The following CADPS variants were observed in gnomAD, a reference collection of about 807,000 sequenced individuals.
The protein encoded by CADPS is calcium dependent secretion activator, also known as calcium-dependent secretion activator 1.
In CADPS, 57 loss-of-function variants were observed where a neutral mutation model predicts 167.3. That is an observed-to-expected ratio of 0.34 (90% confidence interval 0.28 to 0.42). The LOEUF (loss-of-function observed/expected upper bound fraction) is 0.42, where lower values mean the gene tolerates loss of function less well. CADPS is among the 20% of genes least tolerant of loss of function. The pLI is 1.00. For synonymous variants in CADPS, 676 were observed against 635.3 expected (o/e 1.06, Z -0.96); for missense variants, 1,414 against 1,738.1 (o/e 0.81, Z 3.32).
intron 7 of CADPS, among the ~76,000 whole-genome samples, chr3:62,587,482 C>T (rs1481193688): frequency 3.9e-5 from 6 of 152,134 alleles, no homozygotes; most frequent in Non-Finnish European, 8.8e-5. Flanking sequence ...CTGGTCTGGC[C>T]TGAGAGAGGT....
intron 28 of CADPS, among the ~76,000 whole-genome samples, chr3:62,406,336 C>G (rs533152403): frequency 6.6e-6 from 1 of 152,148 alleles, no homozygotes; most frequent in Non-Finnish European, 1.5e-5. Flanking sequence ...CTCTTCCTCA[C>G]GGGGCTCACA....
At chr3:62,454,347 C>G (rs1224176546) in intron 26 of CADPS, among the ~76,000 whole-genome samples, 1 of 152,170 alleles carries the variant, frequency 6.6e-6, no homozygotes, top group Non-Finnish European at 1.5e-5. Context: ...ACCTAATTTA[C>G]AGTATCTTAT....
rs140713392 is a variant in CADPS, at chr3:62,609,415, C to T, written c.1326-16667G>A. Among the ~76,000 whole-genome samples, 66 of 152,274 alleles carry T rather than the reference C, an allele frequency of 4.3e-4. 2 individuals are homozygous for T. The East Asian group carries it at 9.3e-3, about 21-fold the overall frequency. Reference sequence around the variant, plus strand: ...GCTCTGTTTTACCTTTTAAGGTTTCCACCACATTGAGTGAGGCTCAGGACT... The same window carrying T: ...GCTCTGTTTTACCTTTTAAGGTTTCTACCACATTGAGTGAGGCTCAGGACT... On this transcript the variant is annotated intron_variant, in intron 6 of 29. Coordinates refer to ENST00000383710, the MANE Select transcript of CADPS (RefSeq NM_003716.4).
intron 1 of CADPS, among the ~76,000 whole-genome samples, chr3:62,850,994 C>G (rs2078449305): frequency 6.9e-6 from 1 of 145,942 alleles, no homozygotes; most frequent in African/African-American, 2.6e-5. Context: ...ATAGTTAGCT[C>G]CTCTTGTTGA....
chr3:62,446,078 T>C lies in CADPS; in HGVS notation c.3637-281A>G, dbSNP rs1312967404. 6.6e-6 allele frequency among the ~76,000 whole-genome samples: 1 copy of C among 152,226 alleles called. No homozygotes were observed. The highest frequency in any genetic ancestry group is 1.5e-5 in the Non-Finnish European group (1 of 68,036). ...TCCCTCCCTCTGAAAAAAAGTAAAG[T>C]GACTAGCTAAACCCACATGGATTAG... is the stretch of plus-strand genomic sequence containing the variant. On this transcript the variant is annotated intron_variant, in intron 26 of 29. Transcript: ENST00000383710. This position sits in a 1 kb window ranked among gnomAD's most constrained non-coding sequence, Gnocchi z 4.9.
chr3:62,611,853 A>G (rs1321920775), intron 6 of CADPS, among the ~76,000 whole-genome samples: 1 of 151,764 alleles, frequency 6.6e-6, no homozygotes, highest in Non-Finnish European at 1.5e-5. Context: ...CTTCCCTAGC[A>G]CTCCTTACTC....
chr3:62,499,248 T>G lies in CADPS; in HGVS notation c.2620A>C (p.Thr874Pro), dbSNP rs1202939215. The G allele has an allele frequency of 3.1e-6, 5 of 1,612,588 alleles. No individual in the cohort carries two copies. In the East Asian group the frequency reaches 1.1e-4, roughly 36 times the overall value. Reference sequence around the variant, plus strand: ...GTATCTTCAAGCTTTTTGGCAGGAGTGATTAACCGGCCTACATTTTCTGTA... The same window carrying G: ...GTATCTTCAAGCTTTTTGGCAGGAGGGATTAACCGGCCTACATTTTCTGTA... Reference protein sequence around the residue: ...KDAENVGRLITPAKKLEDTIR... With the variant: ...KDAENVGRLIPPAKKLEDTIR... The change falls in exon 18 of 30, where the codon ACT becomes CCT. Residue 874 changes from threonine to proline, a missense_variant. Coordinates refer to ENST00000383710, the MANE Select transcript of CADPS (RefSeq NM_003716.4).
intron 1 of CADPS, among the ~76,000 whole-genome samples, chr3:62,860,566 T>C (rs1426496406): frequency 6.6e-6 from 1 of 152,148 alleles, no homozygotes; most frequent in Non-Finnish European, 1.5e-5. Flanking sequence ...TTTTCAATCC[T>C]TGGACTTGCA....
intron 13 of CADPS, among the ~76,000 whole-genome samples, chr3:62,527,449 T>TGGGGGTG (rs1478293392): frequency 6.7e-6 from 1 of 148,400 alleles, no homozygotes; most frequent in African/African-American, 2.5e-5. Context: ...CTGTGTGTGC[T>TGGGGGTG]GGGGGTGGGG....
intron 1 of CADPS, among the ~76,000 whole-genome samples, chr3:62,801,186 T>C (rs1442523720): frequency 1.3e-5 from 2 of 152,184 alleles, no homozygotes; most frequent in African/African-American, 2.4e-5. Flanking sequence ...TAGTGAAATA[T>C]GTGCTTATAA....
chr3:62,601,895 A>G lies in CADPS; in HGVS notation c.1326-9147T>C, dbSNP rs1030882944. Among the ~76,000 whole-genome samples the G allele has an allele frequency of 6.6e-5, 10 of 152,126 alleles. No individual in the cohort carries two copies. The highest frequency in any genetic ancestry group is 2.2e-4 in the African/African-American group (9 of 41,430). On this transcript the variant is annotated intron_variant, in intron 6 of 29. Coordinates refer to ENST00000383710, the MANE Select transcript of CADPS (RefSeq NM_003716.4). The surrounding 1 kb of genome is among the most constrained non-coding windows in gnomAD (Gnocchi z 4.3). ...GAAGAATATGCTTTTGGGAGAGTGG[A>G]GCTCAGAAAAATCTATGGGTAAAAC...
At chr3:62,722,892 C>T (rs561411946) in intron 3 of CADPS, among the ~76,000 whole-genome samples, 2 of 152,212 alleles carry the variant, frequency 1.3e-5, no homozygotes, top group South Asian at 4.1e-4. Flanking sequence ...GGCCTTTGGC[C>T]TCTACTAGAT....
At chr3:62,836,127 T>C (rs1027205614) in intron 1 of CADPS, among the ~76,000 whole-genome samples, 7 of 152,198 alleles carry the variant, frequency 4.6e-5, no homozygotes, top group Non-Finnish European at 5.9e-5. Flanking sequence ...TAACCCTTAC[T>C]GATGCCTGGG....
chr3:62,743,255 G>C (rs969279165), intron 3 of CADPS, among the ~76,000 whole-genome samples: 1 of 152,094 alleles, frequency 6.6e-6, no homozygotes, highest in Non-Finnish European at 1.5e-5. Context: ...TAATTTAGGG[G>C]TTAACAAACT....
intron 20 of CADPS, among the ~76,000 whole-genome samples, chr3:62,491,702 G>A (rs542773086): frequency 1.3e-5 from 2 of 152,080 alleles, no homozygotes; most frequent in East Asian, 3.9e-4. Context: ...TTTACCCCTT[G>A]GTATTGATCT....
intron 1 of CADPS, among the ~76,000 whole-genome samples, chr3:62,792,034 C>T (rs1304415566): frequency 6.6e-6 from 1 of 152,090 alleles, no homozygotes; most frequent in Non-Finnish European, 1.5e-5. Flanking sequence ...TTAACTACAG[C>T]CCATGCTGAA....
intron 1 of CADPS, among the ~76,000 whole-genome samples, chr3:62,804,461 C>T (rs1371858847): frequency 1.3e-5 from 2 of 151,892 alleles, no homozygotes; most frequent in Non-Finnish European, 2.9e-5. Flanking sequence ...AAATACATTC[C>T]CATTATGTTG....
At chr3:62,803,973 C>T (rs2093934830) in intron 1 of CADPS, among the ~76,000 whole-genome samples, 2 of 152,010 alleles carry the variant, frequency 1.3e-5, no homozygotes, top group Admixed American at 6.6e-5. Flanking sequence ...TTTTGGAAGG[C>T]CTTCTAATGT....
At chr3:62,484,151 CT>C (rs1226609966) in intron 21 of CADPS, among the ~76,000 whole-genome samples, 1 of 152,080 alleles carries the variant, frequency 6.6e-6, no homozygotes, top group Non-Finnish European at 1.5e-5. Context: ...ATTTCCTTCT[CT>C]TTTTTTAATG....
Sources: allele counts gnomAD v4.1 joint callset (sites outside exome capture counted in the v4.1 genomes callset), GRCh38; gene constraint gnomAD v4.1.1; non-coding constraint Gnocchi (gnomAD v3.1); transcripts MANE v1.5; gene names NCBI Gene and HGNC (gene_info 2026-07-23, HGNC 2026-07-21).